LYZL2: variants seen among roughly 807,000 people sequenced by gnomAD.
The protein encoded by LYZL2 is lysozyme like 2.
In LYZL2, 13 loss-of-function variants were observed where a neutral mutation model predicts 17.1. The observed-to-expected ratio is 0.76, with a 90% CI of 0.49 to 1.21. The LOEUF (loss-of-function observed/expected upper bound fraction) is 1.21, where lower values mean the gene tolerates loss of function less well. Among genes scored for constraint, LYZL2 ranks in the 50% most tolerant of loss-of-function variants. LYZL2 has a pLI of 0.00. For missense variants in LYZL2, 166 were observed against 189.2 expected (o/e 0.88, Z 0.72); for synonymous variants, 63 against 74.4 (o/e 0.85, Z 0.79).
downstream of LYZL2, among the ~76,000 whole-genome samples, chr10:30,611,136 A>G (rs1238748788): frequency 1.3e-5 from 2 of 152,148 alleles, no homozygotes; most frequent in Non-Finnish European, 2.9e-5. Context: ...AGGACTCCCT[A>G]CAATGAAGAA....
intron 3 of LYZL2, among the ~76,000 whole-genome samples, chr10:30,623,104 A>G (rs555572731): frequency 1.2e-4 from 18 of 152,236 alleles, no homozygotes; most frequent in Non-Finnish European, 1.3e-4. Flanking sequence ...CCACAAGGAC[A>G]TAACAACCCT....
chr10:30,607,004 G>T (rs1838384162), downstream of LYZL2, among the ~76,000 whole-genome samples: 2 of 150,852 alleles, frequency 1.3e-5, no homozygotes, highest in African/African-American at 4.9e-5. Flanking sequence ...TCCACCTCCT[G>T]GATTCAAGCA....
chr10:30,620,903 T>A (rs1290945638), intron 3 of LYZL2, among the ~76,000 whole-genome samples: 2 of 147,694 alleles, frequency 1.4e-5, no homozygotes, highest in African/African-American at 2.5e-5. Context: ...GACATAATAA[T>A]GGAAACTATT....
chr10:30,619,076 A>G lies in LYZL2; in HGVS notation c.299-6176T>C, dbSNP rs541680985. Among the ~76,000 whole-genome samples the G allele has an allele frequency of 2.6e-5, 4 of 152,390 alleles. No homozygotes were observed. The East Asian group carries it at 7.7e-4, about 29-fold the overall frequency. ...ATGCAGCCAACAGACACATGAAAAA[A>G]TGCTCATCATCACTGGCCATCAGAG... is the stretch of plus-strand genomic sequence containing the variant. On this transcript the variant is annotated intron_variant, in intron 3 of 4. Coordinates refer to ENST00000647634, the MANE Select transcript of LYZL2 (RefSeq NM_183058.3).
rs1368879861 is a variant in LYZL2 at position 30,617,692 on chromosome 10, A to AAG, written c.299-4793_299-4792insCT. Among the ~76,000 whole-genome samples, 4 of 148,446 alleles carry AAG rather than the reference A, an allele frequency of 2.7e-5. 1 individual carries two copies. Among genetic ancestry groups the AAG allele is most frequent in the Non-Finnish European group, 6.0e-5 (4 of 67,144 alleles). On this transcript the variant is annotated intron_variant, in intron 3 of 4. Coordinates refer to ENST00000647634, the MANE Select transcript of LYZL2 (RefSeq NM_183058.3). ...TCTGTCTCAAAAAAAAAAAAAAAAA[A>AAG]AAAAAAGAAAAGAAAAAGAAAAAAA...
At chr10:30,627,636 C>T (rs964522109) in intron 1 of LYZL2, among the ~76,000 whole-genome samples, 1 of 152,046 alleles carries the variant, frequency 6.6e-6, no homozygotes, top group Non-Finnish European at 1.5e-5. Flanking sequence ...ATAGAACGTA[C>T]AAAATATGTG....
At chr10:30,627,537 A>C (rs183210830) in intron 1 of LYZL2, among the ~76,000 whole-genome samples, 60 of 152,288 alleles carry the variant, frequency 3.9e-4, no homozygotes, top group African/African-American at 1.4e-3. Flanking sequence ...AATATTTACA[A>C]ATAGTAAATA....
At chr10:30,623,885 A>G (rs1311102780) in intron 3 of LYZL2, among the ~76,000 whole-genome samples, 3 of 152,152 alleles carry the variant, frequency 2.0e-5, no homozygotes, top group South Asian at 2.1e-4. Flanking sequence ...CCTGGTGCCA[A>G]AAAGGTTGGG....
At chr10:30,627,756 T>C (rs1444352887) in intron 1 of LYZL2, among the ~76,000 whole-genome samples, 3 of 152,132 alleles carry the variant, frequency 2.0e-5, no homozygotes, top group African/African-American at 7.2e-5. Context: ...TGAGCAGGCA[T>C]TGGCACCCCG....
intron 3 of LYZL2, among the ~76,000 whole-genome samples, chr10:30,617,588 T>C (rs1225087981): frequency 2.1e-5 from 3 of 142,310 alleles, no homozygotes; most frequent in Non-Finnish European, 4.5e-5. Context: ...GGCAGGAGAA[T>C]TGCTTGAACC....
intron 3 of LYZL2, among the ~76,000 whole-genome samples, chr10:30,617,717 A>G (rs1439195450): frequency 6.6e-6 from 1 of 151,174 alleles, no homozygotes; most frequent in Non-Finnish European, 1.5e-5. Context: ...AAAGAAAAAA[A>G]AGAAAAGAAA....
In LYZL2 at chr10:30,612,900, G is replaced by C. The variant is rs760585966; in HGVS notation, c.299C>G (p.Ala100Gly). Reference sequence around the variant, plus strand: ...ATCTGTGAGGTCATCAGTGACCAAGGCTGTAAAAAGAGAGGTCATCAGGGT... The same window carrying C: ...ATCTGTGAGGTCATCAGTGACCAAGCCTGTAAAAAGAGAGGTCATCAGGGT... ...ENNHCHVACS[A>G]LVTDDLTDAI... Residue 100 changes from alanine (A) to glycine (G), a missense_variant and splice_region_variant, in exon 4 of 5, where the codon GCC becomes GGC. Ala to Gly is a moderately conservative substitution (Grantham distance 60, BLOSUM62 0). This residue lies in a region of LYZL2 where 134 missense variants were observed against 129.4 expected (regional missense o/e 1.04). Coordinates refer to ENST00000647634, the MANE Select transcript of LYZL2 (RefSeq NM_183058.3). 3 of 1,613,444 alleles carry C rather than the reference G, an allele frequency of 1.9e-6. No individual in the cohort carries two copies. Among genetic ancestry groups the C allele is most frequent in the Admixed American group, 1.7e-5 (1 of 60,008 alleles).
intron 3 of LYZL2, among the ~76,000 whole-genome samples, chr10:30,617,578 G>A (rs556706681): frequency 1.3e-5 from 2 of 148,766 alleles, no homozygotes; most frequent in Non-Finnish European, 3.0e-5. Flanking sequence ...CAGAGGCTGA[G>A]GCAGGAGAAT....
intron 1 of LYZL2, among the ~76,000 whole-genome samples, chr10:30,627,370 C>T (rs571862743): frequency 8.6e-5 from 13 of 151,914 alleles, no homozygotes; most frequent in Admixed American, 7.2e-4. Context: ...CTGCCTCTGC[C>T]ACCCCGAGAC....
intron 3 of LYZL2, among the ~76,000 whole-genome samples, chr10:30,613,483 T>G (rs1588673081): frequency 7.2e-6 from 1 of 139,844 alleles, no homozygotes; most frequent in Non-Finnish European, 1.5e-5. Context: ...GGCAACAGAG[T>G]GAGACTCTGT....
chr10:30,618,339 T>C (rs1490055390), intron 3 of LYZL2, among the ~76,000 whole-genome samples: 2 of 152,146 alleles, frequency 1.3e-5, no homozygotes, highest in Non-Finnish European at 2.9e-5. Context: ...AAAGTTCATA[T>C]GGAACCAAAA....
chr10:30,626,320 C>T, intron 2 of LYZL2, 57 bp from the exon 3 acceptor site: 1 of 1,598,538 alleles, frequency 6.3e-7, no homozygotes, highest in Non-Finnish European at 8.5e-7. Context: ...TTGCTCTAAG[C>T]TTGGTCTAAG....
chr10:30,610,267 T>C (rs1411927101), downstream of LYZL2, among the ~76,000 whole-genome samples: 1 of 152,116 alleles, frequency 6.6e-6, no homozygotes, highest in Non-Finnish European at 1.5e-5. Context: ...TCTCTGGATG[T>C]TGGGGGTAAG....
At chr10:30,608,096 C>T (rs1197969390), downstream of LYZL2, among the ~76,000 whole-genome samples, 1 of 152,132 alleles carries the variant, frequency 6.6e-6, no homozygotes, top group African/African-American at 2.4e-5. Flanking sequence ...GCGTGTACCA[C>T]CACACTTGGC....
Sources: gnomAD v4.1 joint callset for allele counts (sites outside exome capture counted in the v4.1 genomes callset) on GRCh38, gnomAD v4.1.1 for gene constraint, gnomAD v4.1.1 regional missense constraint, MANE v1.5 for transcripts, NCBI Gene and HGNC (gene_info 2026-07-23, HGNC 2026-07-21) for gene names.